PECR: variants seen among roughly 807,000 people sequenced by gnomAD.
PECR encodes the protein peroxisomal trans-2-enoyl-CoA reductase, also known as 2,4-dienoyl-CoA reductase-related protein.
Under a neutral mutation model 35.3 loss-of-function variants are expected in PECR, and 30 were observed. The observed-to-expected ratio is 0.85, with a 90% CI of 0.64 to 1.15. PECR has a LOEUF of 1.15. Among genes scored for constraint, PECR ranks in the 50% most tolerant of loss-of-function variants. PECR has a pLI of 0.00. For missense variants in PECR, 392 were observed against 370.8 expected, an observed-to-expected ratio of 1.06 and a Z score of -0.47; for synonymous variants, 148 against 138.9, an observed-to-expected ratio of 1.07 and a Z score of -0.46.
intron 4 of PECR, among the ~76,000 whole-genome samples, chr2:216,052,100 C>T (rs561079571): frequency 7.9e-5 from 12 of 152,256 alleles, no homozygotes; most frequent in African/African-American, 2.6e-4. Flanking sequence ...GCAGGAGAAT[C>T]GCTTGACCCT....
At chr2:216,059,102 C>G in intron 3 of PECR, 126 bp from the exon 4 acceptor site, 1 of 702,416 alleles carries the variant, frequency 1.4e-6, no homozygotes, top group Non-Finnish European at 2.6e-6. Flanking sequence ...TATAAAAAGC[C>G]TGACTGAGGT....
chr2:216,066,358 TA>T, intron 2 of PECR, 26 bp downstream of exon 2: 1 of 1,593,206 alleles, frequency 6.3e-7, no homozygotes, highest in Non-Finnish European at 8.6e-7. Flanking sequence ...AATGAATGAA[TA>T]AATGATACAG....
At chr2:216,065,890 C>T (rs1277937828) in intron 2 of PECR, among the ~76,000 whole-genome samples, 6 of 152,132 alleles carry the variant, frequency 3.9e-5, no homozygotes, top group South Asian at 2.1e-4. Context: ...TTCGGGAGGC[C>T]GAGGCAGGCA....
At chr2:216,030,452 A>G (rs1175997053) in intron 7 of PECR, among the ~76,000 whole-genome samples, 1 of 152,230 alleles carries the variant, frequency 6.6e-6, no homozygotes, top group Non-Finnish European at 1.5e-5. Flanking sequence ...AGTTTTTGTA[A>G]GGCTAAAATG....
chr2:216,063,099 CTTTT>C (rs953872735), intron 3 of PECR, among the ~76,000 whole-genome samples: 2 of 151,852 alleles, frequency 1.3e-5, no homozygotes, highest in African/African-American at 4.8e-5. Context: ...TAAATACATA[CTTTT>C]TTTTAACAGA....
chr2:216,050,802 G>A (rs1421485471), intron 5 of PECR: 1 of 152,006 alleles, frequency 6.6e-6, no homozygotes, highest in East Asian at 1.9e-4. Context: ...TTGGGAGGCT[G>A]AGGCAGGAGA....
chr2:216,080,995 CAACA>C (rs1365307368), intron 1 of PECR, among the ~76,000 whole-genome samples: 1 of 152,138 alleles, frequency 6.6e-6, no homozygotes, highest in East Asian at 1.9e-4. Flanking sequence ...ATCTCAAAAC[CAACA>C]AACAATTTAT....
At chr2:216,074,537 G>A (rs144050867) in intron 1 of PECR, among the ~76,000 whole-genome samples, 110 of 127,762 alleles carry the variant, frequency 8.6e-4, no homozygotes, top group South Asian at 1.8e-3. Flanking sequence ...AGGAAGGAAG[G>A]AAGAAAGGAA....
downstream of PECR, chr2:216,034,184 G>A (rs914561191): frequency 2.0e-5 from 3 of 152,236 alleles, no homozygotes; most frequent in African/African-American, 7.2e-5. Context: ...ACTGCTTTGA[G>A]CCAAGCCCCA....
chr2:216,050,718 C>G (rs1380840786), intron 5 of PECR: 1 of 152,118 alleles, frequency 6.6e-6, no homozygotes, highest in African/African-American at 2.4e-5. Context: ...CTGGCTAACA[C>G]AGTGAAACCC....
At chr2:216,073,188 G>A (rs1695620157) in intron 1 of PECR, among the ~76,000 whole-genome samples, 1 of 152,118 alleles carries the variant, frequency 6.6e-6, no homozygotes, top group Non-Finnish European at 1.5e-5. Flanking sequence ...ATACTGTTAG[G>A]AGAAGCTTAC....
chr2:216,034,098 C>T (rs565159419), downstream of PECR: 1 of 152,320 alleles, frequency 6.6e-6, no homozygotes, highest in South Asian at 2.1e-4. Flanking sequence ...CAAGTTGAAG[C>T]TTTGCAAGCA....
In PECR at chr2:216,039,027, T is replaced by C. The variant is rs1694843801; in HGVS notation, c.*248A>G. The C allele has an allele frequency of 2.9e-6, 1 of 341,216 alleles. No individual in the cohort carries two copies. The highest frequency in any genetic ancestry group is 5.5e-6 in the Non-Finnish European group (1 of 182,262). 21.1% of individuals were successfully genotyped at this position (341,216 alleles called of 1,614,324 possible). On this transcript the variant is annotated 3_prime_UTR_variant, in exon 8 of 8. Coordinates refer to ENST00000265322, the MANE Select transcript of PECR (RefSeq NM_018441.6). ...ATTTTTCAAATACTTTTCTTAGAAA[T>C]AAAAAGTAAAGTCATTAAAATATGT...
chr2:216,030,630 G>GC (rs1559203451), intron 7 of PECR, among the ~76,000 whole-genome samples: 1 of 151,470 alleles, frequency 6.6e-6, no homozygotes, highest in Non-Finnish European at 1.5e-5. Context: ...TGCAACCTCC[G>GC]CCCCCAGGTT....
chr2:216,055,432 C>A (rs1410939961), intron 4 of PECR, among the ~76,000 whole-genome samples: 1 of 93,914 alleles, frequency 1.1e-5, no homozygotes, highest in African/African-American at 4.6e-5. Flanking sequence ...AACAAAATTC[C>A]ATCTCAAAAA....
rs1166511464 is a variant in PECR, at chr2:216,038,397, T to A, written c.*878A>T. The A allele has an allele frequency of 6.6e-6, 1 of 152,162 alleles. No homozygotes were observed. The highest frequency in any genetic ancestry group is 2.4e-5 in the African/African-American group (1 of 41,446). 9.4% of individuals were successfully genotyped at this position (152,162 alleles called of 1,614,324 possible). A position where few individuals can be genotyped will look rare whatever the true frequency, so the allele number is the denominator to read the frequency against. On this transcript the variant is annotated 3_prime_UTR_variant, in exon 8 of 8. Coordinates refer to ENST00000265322, the MANE Select transcript of PECR (RefSeq NM_018441.6). ...CAGGCACTGCCAAAAATAAATCACA[T>A]AAAACTTTTTCTTTGAATTAAGAGA...
At chr2:216,040,690 G>GGCCACTCTCAGGTTTGCACAAGTGC (rs1329904068) in intron 7 of PECR, among the ~76,000 whole-genome samples, 2 of 152,158 alleles carry the variant, frequency 1.3e-5, no homozygotes, top group Non-Finnish European at 2.9e-5. Flanking sequence ...CCAACATAGT[G>GGCCACTCTCAGGTTTGCACAAGTGC]AAACTCCATC....
Position 216,065,303 on chromosome 2 carries a change from G to A in PECR, c.424+9C>T, listed in dbSNP as rs1167940552. ...GACATGTTGACTTGTGGATACTGAT[G>A]GTACTTGCCTGCTTTGCACATGTAG... On this transcript the variant is annotated intron_variant, in intron 3 of 7. Transcript: ENST00000265322. 18 of 1,593,206 alleles carry A rather than the reference G, an allele frequency of 1.1e-5. 1 individual carries two copies. Among genetic ancestry groups the A allele is most frequent in the African/African-American group, 1.3e-5 (1 of 74,536 alleles).
At chr2:216,075,060 T>A (rs1382269536) in intron 1 of PECR, among the ~76,000 whole-genome samples, 1 of 151,908 alleles carries the variant, frequency 6.6e-6, no homozygotes, top group Non-Finnish European at 1.5e-5. Context: ...GGTTGGAGAG[T>A]CGCTTGTGGT....
Sources: allele counts gnomAD v4.1 joint callset (sites outside exome capture counted in the v4.1 genomes callset), GRCh38; gene constraint gnomAD v4.1.1; transcripts MANE v1.5; gene names NCBI Gene and HGNC (gene_info 2026-07-23, HGNC 2026-07-21).